Variants in ZEB1 observed in about 807,000 individuals in gnomAD.
ZEB1 encodes the protein zinc finger E-box binding homeobox 1.
ZEB1 carries 21 observed loss-of-function variants against 84.9 expected under a neutral mutation model. The ratio of observed to expected loss-of-function variants is 0.25; its 90% CI spans 0.18 to 0.36. The LOEUF (loss-of-function observed/expected upper bound fraction) is 0.36, where lower values mean the gene tolerates loss of function less well. Ranked by LOEUF, ZEB1 falls within the 10% of genes least tolerant of loss-of-function variation. The pLI is 1.00. For missense variants in ZEB1, 1,104 were observed against 1,330.2 expected (o/e 0.83, Z 2.65); for synonymous variants, 420 against 471.1 (o/e 0.89, Z 1.41).
Position 31,363,698 on chromosome 10 carries a change from G to A in ZEB1, c.58+44406G>A, listed in dbSNP as rs1441720036. ...AGACAAGGGATCCTTACGGGGCTGA[G>A]GTGTCCAAACATTATGGAGTTGTGA... On this transcript the variant is annotated intron_variant, in intron 1 of 8. Coordinates refer to ENST00000424869, the MANE Select transcript of ZEB1 (RefSeq NM_001174096.2). 2.4e-6 allele frequency: 3 copies of A among 1,237,238 alleles called. No individual in the cohort carries two copies. The African/African-American group carries it at 4.5e-5, about 18-fold the overall frequency. The allele number at this position is 1,237,238 out of a possible 1,614,324, so 76.6% of individuals were successfully genotyped here.
At chr10:31,500,453 TC>T (rs2067961765) in intron 3 of ZEB1, among the ~76,000 whole-genome samples, 1 of 152,146 alleles carries the variant, frequency 6.6e-6, no homozygotes, top group South Asian at 2.1e-4. Flanking sequence ...AATTGCAGCT[TC>T]CCAACCAGGA....
chr10:31,358,834 C>A (rs2134022387), intron 1 of ZEB1, among the ~76,000 whole-genome samples: 1 of 152,244 alleles, frequency 6.6e-6, no homozygotes, highest in African/African-American at 2.4e-5. Context: ...TGAATGTTAG[C>A]CAAATATTTT....
intron 1 of ZEB1, among the ~76,000 whole-genome samples, chr10:31,374,227 A>G (rs2046222649): frequency 6.6e-6 from 1 of 151,874 alleles, no homozygotes; most frequent in Non-Finnish European, 1.5e-5. Flanking sequence ...TTTCATGCCC[A>G]ATTAGAGATG....
At chr10:31,357,983 C>CT (rs1374990952) in intron 1 of ZEB1, among the ~76,000 whole-genome samples, 3 of 152,064 alleles carry the variant, frequency 2.0e-5, no homozygotes, top group African/African-American at 7.2e-5. Flanking sequence ...TTCTCATGGG[C>CT]AATATAGGTT....
At position 31,319,252 on chromosome 10, in the gene ZEB1, G is replaced by A; in HGVS notation, c.18G>A (p.Arg6=). Residue 6 remains arginine, a synonymous_variant, in exon 1 of 9, where the codon AGG becomes AGA. Coordinates refer to ENST00000424869, the MANE Select transcript of ZEB1 (RefSeq NM_001174096.2). ...AGAGGATCATGGCGGATGGCCCCAGGTGTAAGCGCAGAAAGCAGGCGAACC... is the reference window on the plus strand; with the variant it reads ...AGAGGATCATGGCGGATGGCCCCAGATGTAAGCGCAGAAAGCAGGCGAACC... The part of the protein sequence containing the change: MADGP[R]CKRRKQANPR... The A allele has an allele frequency of 5.0e-6, 8 of 1,610,508 alleles. No homozygotes were observed. Among genetic ancestry groups the A allele is most frequent in the South Asian group, 1.1e-5 (1 of 90,288 alleles).
chr10:31,516,327 A>C (rs2071089227), intron 6 of ZEB1, among the ~76,000 whole-genome samples: 1 of 151,926 alleles, frequency 6.6e-6, no homozygotes, highest in Admixed American at 6.6e-5. Context: ...TAAAACATCT[A>C]ATGTGAGGCT....
At chr10:31,381,928 T>C (rs1461507191) in intron 1 of ZEB1, 1 of 148,520 alleles carries the variant, frequency 6.7e-6, no homozygotes, top group Non-Finnish European at 1.5e-5. Context: ...GAAGAGTCAC[T>C]TGACCCCAGG....
chr10:31,446,752 G>C (rs1353294554), intron 1 of ZEB1, among the ~76,000 whole-genome samples: 5 of 151,376 alleles, frequency 3.3e-5, no homozygotes, highest in Non-Finnish European at 1.5e-5. Context: ...CTGAGTTCTA[G>C]TTTGATTGCA....
intron 1 of ZEB1, among the ~76,000 whole-genome samples, chr10:31,412,938 C>A (rs2054571759): frequency 1.3e-5 from 2 of 152,242 alleles, no homozygotes. Context: ...AGCTGACTTA[C>A]CCTGCAATTG....
At chr10:31,388,656 A>G (rs1458453664) in intron 1 of ZEB1, among the ~76,000 whole-genome samples, 2 of 152,110 alleles carry the variant, frequency 1.3e-5, no homozygotes, top group African/African-American at 4.8e-5. Context: ...TTCAAAACAG[A>G]TATCATGTAG....
At chr10:31,452,742 T>TGTGTGTGTGTGTGTGA (rs1387786622) in intron 1 of ZEB1, among the ~76,000 whole-genome samples, 1 of 90,736 alleles carries the variant, frequency 1.1e-5, no homozygotes, top group Non-Finnish European at 2.1e-5. Flanking sequence ...TGTGTGTGTG[T>TGTGTGTGTGTGTGTGA]GAGAGAGAGA....
intron 1 of ZEB1, among the ~76,000 whole-genome samples, chr10:31,424,869 A>G (rs2056724665): frequency 1.3e-5 from 2 of 152,014 alleles, no homozygotes; most frequent in African/African-American, 4.8e-5. Flanking sequence ...CTTAATCAAC[A>G]TTTTATGCTT....
chr10:31,439,920 A>G (rs2058723226), intron 1 of ZEB1, among the ~76,000 whole-genome samples: 1 of 152,142 alleles, frequency 6.6e-6, no homozygotes, highest in Non-Finnish European at 1.5e-5. Flanking sequence ...ACAAGATTCC[A>G]CTGATGCTTT....
intron 1 of ZEB1, among the ~76,000 whole-genome samples, chr10:31,345,841 A>T (rs1266626902): frequency 6.6e-6 from 1 of 152,164 alleles, no homozygotes; most frequent in African/African-American, 2.4e-5. Flanking sequence ...ATTTTCTTTT[A>T]CTGTAAAAAG....
chr10:31,439,083 A>G (rs2058606018), intron 1 of ZEB1, among the ~76,000 whole-genome samples: 1 of 151,644 alleles, frequency 6.6e-6, no homozygotes, highest in African/African-American at 2.4e-5. Flanking sequence ...AAAACAAGTC[A>G]CTCCTTTGGT....
chr10:31,446,408 T>C (rs11498177), intron 1 of ZEB1, among the ~76,000 whole-genome samples: 2,138 of 151,914 alleles, frequency 0.014, 49 homozygotes, highest in African/African-American at 0.049. Context: ...GTCTCTCTAT[T>C]TCCTTCAGTT....
chr10:31,337,369 A>G (rs1470001706), intron 1 of ZEB1, among the ~76,000 whole-genome samples: 12 of 151,488 alleles, frequency 7.9e-5, no homozygotes, highest in Non-Finnish European at 1.2e-4. Context: ...AAAAAAAACG[A>G]TGGTGGAACT....
intron 4 of ZEB1, among the ~76,000 whole-genome samples, chr10:31,504,366 T>C (rs2068596496): frequency 6.6e-6 from 1 of 152,104 alleles, no homozygotes; most frequent in South Asian, 2.1e-4. Flanking sequence ...TACCTTGTAT[T>C]ATATTTTGAA....
At chr10:31,322,692 T>TA (rs1161978114) in intron 1 of ZEB1, among the ~76,000 whole-genome samples, 3 of 152,152 alleles carry the variant, frequency 2.0e-5, no homozygotes, top group African/African-American at 4.8e-5. Flanking sequence ...TGTTGCATTT[T>TA]AAAAAATCTG....
Sources: gnomAD v4.1 joint callset for allele counts (sites outside exome capture counted in the v4.1 genomes callset) on GRCh38, gnomAD v4.1.1 for gene constraint, MANE v1.5 for transcripts, NCBI Gene and HGNC (gene_info 2026-07-23, HGNC 2026-07-21) for gene names.